Variants in CHD6 observed in about 807,000 individuals in gnomAD.
The protein encoded by CHD6 is ATP-dependent chromatin remodeler CHD6.
A neutral mutation model predicts 276.9 loss-of-function variants in CHD6; 50 were observed. That is an observed-to-expected ratio of 0.18 (90% CI 0.14 to 0.23). CHD6 has a LOEUF of 0.23. CHD6 is among the 10% of genes least tolerant of loss of function. CHD6 has a pLI of 1.00. For missense variants in CHD6, 2,564 were observed against 3,365.8 expected (o/e 0.76, Z 5.89); for synonymous variants, 1,173 against 1,229.3 (o/e 0.95, Z 0.96).
chr20:41,575,839 C>G (rs952459628), intron 1 of CHD6, among the ~76,000 whole-genome samples: 1 of 152,072 alleles, frequency 6.6e-6, no homozygotes, highest in Non-Finnish European at 1.5e-5. Context: ...AGAATCAACT[C>G]TTTTTCAACT....
At chr20:41,550,259 T>C (rs1358930707) in intron 2 of CHD6, among the ~76,000 whole-genome samples, 1 of 152,242 alleles carries the variant, frequency 6.6e-6, no homozygotes, top group Non-Finnish European at 1.5e-5. Context: ...TTTGCACACC[T>C]GAGTATATCC....
intron 32 of CHD6, 51 bp from the exon 33 acceptor site, chr20:41,416,845 C>G: frequency 7.1e-7 from 1 of 1,413,714 alleles, no homozygotes; most frequent in South Asian, 1.5e-5. Context: ...TACCTAAATT[C>G]ACAAAATCCT....
intron 17 of CHD6, among the ~76,000 whole-genome samples, chr20:41,469,090 G>C (rs547759411): frequency 1.3e-5 from 2 of 152,180 alleles, no homozygotes; most frequent in African/African-American, 2.4e-5. Flanking sequence ...CCTCGGAGCA[G>C]TGTGGGAGTT....
At chr20:41,584,245 A>G (rs923805606) in intron 1 of CHD6, among the ~76,000 whole-genome samples, 1 of 152,300 alleles carries the variant, frequency 6.6e-6, no homozygotes, top group South Asian at 2.1e-4. Flanking sequence ...AAAGCAATAG[A>G]GAGACATCAC....
At chr20:41,485,166 A>T (rs1600980582) in intron 14 of CHD6, among the ~76,000 whole-genome samples, 1 of 152,188 alleles carries the variant, frequency 6.6e-6, no homozygotes, top group African/African-American at 2.4e-5. Context: ...CTGTCACATC[A>T]GGGGCACTTT....
Position 41,405,066 on chromosome 20 carries a change from T to C in CHD6, c.7675A>G (p.Lys2559Glu), listed in dbSNP as rs369115251. 5.6e-6 allele frequency: 9 copies of C among 1,614,130 alleles called. No individual in the cohort carries two copies. Among genetic ancestry groups the C allele is most frequent in the Non-Finnish European group, 7.6e-6 (9 of 1,180,054 alleles). The change falls in exon 37 of 37, where the codon AAA becomes GAA. Residue 2559 changes from lysine to glutamate, a missense_variant. Around this residue, in one of 7 missense-constraint regions of CHD6, gnomAD observed 238 missense variants for 266.0 expected, o/e 0.89. Transcript: ENST00000373233. ...TAPASLSSTT[K>E]SGTAVTEKTA... ...TTTTCAGTCACTGCCGTACCACTTT[T>C]CGTTGTGCTTGATAGAGACGCCGGA...
chr20:41,601,297 A>G (rs1479085141), intron 1 of CHD6, among the ~76,000 whole-genome samples: 1 of 152,244 alleles, frequency 6.6e-6, no homozygotes, highest in East Asian at 1.9e-4. Flanking sequence ...CTTTAGAAGC[A>G]TGAAAATGTC....
At chr20:41,540,701 C>T (rs975267778) in intron 2 of CHD6, among the ~76,000 whole-genome samples, 1 of 152,152 alleles carries the variant, frequency 6.6e-6, no homozygotes, top group African/African-American at 2.4e-5. Context: ...GCCTCGCTGG[C>T]TCCTGCTGCT....
intron 5 of CHD6, among the ~76,000 whole-genome samples, chr20:41,508,679 G>GTA (rs1047261662): frequency 2.2e-4 from 34 of 152,264 alleles, no homozygotes; most frequent in African/African-American, 7.5e-4. Context: ...GAAGCCTTAT[G>GTA]ATGAACGGCC....
chr20:41,446,089 T>G (rs1282465282), intron 24 of CHD6, among the ~76,000 whole-genome samples: 2 of 152,212 alleles, frequency 1.3e-5, no homozygotes, highest in East Asian at 3.8e-4. Flanking sequence ...GTGCACCTTA[T>G]GTGAACCACA....
At chr20:41,447,149 G>T (rs1012869248) in intron 24 of CHD6, among the ~76,000 whole-genome samples, 2 of 152,122 alleles carry the variant, frequency 1.3e-5, no homozygotes, top group Non-Finnish European at 2.9e-5. Context: ...TTACTTTAGT[G>T]CTCCTATGAC....
chr20:41,405,289 C>T lies in CHD6; in HGVS notation c.7452G>A (p.Met2484Ile), dbSNP rs746598682. 17 of 1,614,224 alleles carry T rather than the reference C, an allele frequency of 1.1e-5. No homozygotes were observed. Among genetic ancestry groups the T allele is most frequent in the Non-Finnish European group, 1.4e-5 (17 of 1,180,048 alleles). Residue 2484 changes from methionine to isoleucine, a missense_variant, in exon 37 of 37, where the codon ATG becomes ATA. Met to Ile is a conservative substitution (Grantham distance 10, BLOSUM62 1). Coordinates refer to ENST00000373233, the MANE Select transcript of CHD6 (RefSeq NM_032221.5). Reference sequence around the variant, plus strand: ...TGAGGGGGATGCCTGGCATATTTCTCATGTTCTGAAGTCCTACCAGGTCCA... The same window carrying T: ...TGAGGGGGATGCCTGGCATATTTCTTATGTTCTGAAGTCCTACCAGGTCCA... Reference protein sequence around the residue: ...AGMDLVGLQNMRNMPGIPLTG... With the variant: ...AGMDLVGLQNIRNMPGIPLTG...
At chr20:41,448,476 C>A (rs2048136421) in intron 23 of CHD6, among the ~76,000 whole-genome samples, 1 of 152,198 alleles carries the variant, frequency 6.6e-6, no homozygotes, top group Non-Finnish European at 1.5e-5. Context: ...ACTCAGGCTC[C>A]AAGGGAATGC....
At chr20:41,499,409 G>A in intron 5 of CHD6, 52 bp from the exon 6 acceptor site, 1 of 1,410,764 alleles carries the variant, frequency 7.1e-7, no homozygotes, top group Non-Finnish European at 9.7e-7. Flanking sequence ...CAGAATCCAA[G>A]AAAACAATTC....
intron 1 of CHD6, among the ~76,000 whole-genome samples, chr20:41,587,475 G>A (rs2045608181): frequency 6.6e-6 from 1 of 152,190 alleles, no homozygotes. Flanking sequence ...CCTTTCAGTA[G>A]AGGGTCTCTT....
At chr20:41,446,233 C>T (rs528238225) in intron 24 of CHD6, among the ~76,000 whole-genome samples, 5 of 152,208 alleles carry the variant, frequency 3.3e-5, no homozygotes, top group South Asian at 2.1e-4. Context: ...AGAGATCTTA[C>T]GCACCATTTA....
At chr20:41,582,290 G>T (rs1014395230) in intron 1 of CHD6, among the ~76,000 whole-genome samples, 19 of 152,204 alleles carry the variant, frequency 1.2e-4, no homozygotes, top group African/African-American at 4.3e-4. Flanking sequence ...AACTAAGGAA[G>T]AGTTTCGGAC....
intron 1 of CHD6, among the ~76,000 whole-genome samples, chr20:41,599,483 T>C (rs1054104458): frequency 6.6e-6 from 1 of 152,120 alleles, no homozygotes; most frequent in Non-Finnish European, 1.5e-5. Context: ...TTCTTGTAGG[T>C]TGCTGCACCA....
chr20:41,476,892 A>G (rs2043180456), intron 16 of CHD6, among the ~76,000 whole-genome samples: 3 of 152,180 alleles, frequency 2.0e-5, no homozygotes, highest in Admixed American at 2.0e-4. Flanking sequence ...GTATACATAC[A>G]TCTATACATA....
Sources: gnomAD v4.1 joint callset for allele counts (sites outside exome capture counted in the v4.1 genomes callset) on GRCh38, gnomAD v4.1.1 for gene constraint, gnomAD v4.1.1 regional missense constraint, MANE v1.5 for transcripts, NCBI Gene and HGNC (gene_info 2026-07-23, HGNC 2026-07-21) for gene names.